The following LGR5 variants were observed in gnomAD, a reference collection of about 807,000 sequenced individuals.
LGR5 encodes leucine rich repeat containing G protein-coupled receptor 5, also known as leucine-rich repeat-containing G protein-coupled receptor 5.
Under a neutral mutation model 76.7 loss-of-function variants are expected in LGR5, and 54 were observed. The ratio of observed to expected loss-of-function variants is 0.70; its 90% CI spans 0.57 to 0.88. The LOEUF is 0.88. Ranked by LOEUF, LGR5 falls within the 40% of genes least tolerant of loss-of-function variation. The probability of loss-of-function intolerance (pLI) is 0.00; values close to 1 mark genes in which losing one functional copy is unlikely to be tolerated. For synonymous variants in LGR5, 406 were observed against 421.9 expected (o/e 0.96, Z 0.46); for missense variants, 1,078 against 1,073.3 (o/e 1.00, Z -0.06).
At chr12:71,500,251 G>A (rs1384795066) in intron 1 of LGR5, among the ~76,000 whole-genome samples, 1 of 152,120 alleles carries the variant, frequency 6.6e-6, no homozygotes, top group African/African-American at 2.4e-5. Flanking sequence ...ATAAGAAACA[G>A]TACCTTTAAT....
intron 3 of LGR5, among the ~76,000 whole-genome samples, chr12:71,532,339 A>G (rs755144003): frequency 1.3e-5 from 2 of 152,200 alleles, no homozygotes; most frequent in South Asian, 2.1e-4. Flanking sequence ...TCAAGTTTCA[A>G]TTCTCCTAAT....
chr12:71,557,990 G>T (rs995637888), intron 6 of LGR5, among the ~76,000 whole-genome samples: 3 of 147,832 alleles, frequency 2.0e-5, no homozygotes, highest in Admixed American at 1.4e-4. Context: ...CCAGATCTGG[G>T]TTACTAATTT....
At chr12:71,480,747 G>C (rs1439152952) in intron 1 of LGR5, among the ~76,000 whole-genome samples, 1 of 152,168 alleles carries the variant, frequency 6.6e-6, no homozygotes, top group Non-Finnish European at 1.5e-5. Context: ...TCAACCAACA[G>C]CTGATGAGAT....
intron 1 of LGR5, among the ~76,000 whole-genome samples, chr12:71,503,908 T>C (rs76558395): frequency 0.012 from 1,853 of 152,244 alleles, 16 homozygotes; most frequent in Middle Eastern, 0.037. Flanking sequence ...CAGAATAAAA[T>C]GTAATTACAC....
At chr12:71,540,602 T>C (rs1876828259) in intron 4 of LGR5, among the ~76,000 whole-genome samples, 1 of 152,166 alleles carries the variant, frequency 6.6e-6, no homozygotes, top group Admixed American at 6.5e-5. Context: ...ATGGTAATCT[T>C]TTCCTTACAG....
chr12:71,494,044 C>T (rs1004103034), intron 1 of LGR5, among the ~76,000 whole-genome samples: 10 of 148,984 alleles, frequency 6.7e-5, no homozygotes, highest in East Asian at 2.0e-4. Context: ...CCCGGGTTCA[C>T]GCCATTCTCC....
At chr12:71,513,677 T>C (rs1043209217) in intron 2 of LGR5, among the ~76,000 whole-genome samples, 2 of 152,240 alleles carry the variant, frequency 1.3e-5, no homozygotes, top group African/African-American at 4.8e-5. Flanking sequence ...ATTTATGGAC[T>C]GTTTGATAAA....
chr12:71,477,805 A>G (rs1477207880), intron 1 of LGR5, among the ~76,000 whole-genome samples: 1 of 152,204 alleles, frequency 6.6e-6, no homozygotes, highest in Non-Finnish European at 1.5e-5. Flanking sequence ...GGAGTTGGCC[A>G]TGTGTCAACT....
intron 1 of LGR5, among the ~76,000 whole-genome samples, chr12:71,496,705 G>A (rs971502267): frequency 6.6e-6 from 1 of 152,026 alleles, no homozygotes; most frequent in Non-Finnish European, 1.5e-5. Flanking sequence ...CAGTTGAGTG[G>A]GTACATAAAT....
chr12:71,506,489 A>C (rs1874865966), intron 2 of LGR5, among the ~76,000 whole-genome samples: 2 of 152,216 alleles, frequency 1.3e-5, no homozygotes, highest in African/African-American at 4.8e-5. Context: ...GTTGAAAAAA[A>C]ATCACAAAAA....
chr12:71,466,335 T>C (rs530478753), intron 1 of LGR5, among the ~76,000 whole-genome samples: 58 of 152,332 alleles, frequency 3.8e-4, no homozygotes, highest in African/African-American at 1.3e-3. Context: ...TTAGCAAAGA[T>C]TTTATTTTAT....
intron 3 of LGR5, among the ~76,000 whole-genome samples, chr12:71,527,562 G>A (rs1237738606): frequency 6.6e-6 from 1 of 152,142 alleles, no homozygotes; most frequent in Non-Finnish European, 1.5e-5. Flanking sequence ...TCATATGATT[G>A]TACTCCAAAC....
intron 4 of LGR5, among the ~76,000 whole-genome samples, chr12:71,552,498 G>A (rs55705201): frequency 0.012 from 1,808 of 151,660 alleles, 15 homozygotes; most frequent in Non-Finnish European, 0.021. Context: ...CCGGGAGGTG[G>A]AGGTTGCAGT....
intron 1 of LGR5, among the ~76,000 whole-genome samples, chr12:71,481,471 C>T (rs1320343163): frequency 2.6e-5 from 4 of 152,074 alleles, no homozygotes; most frequent in African/African-American, 9.7e-5. Context: ...GTATATATGC[C>T]ACATTTTCTT....
chr12:71,468,627 G>A (rs1257957436), intron 1 of LGR5, among the ~76,000 whole-genome samples: 1 of 150,068 alleles, frequency 6.7e-6, no homozygotes, highest in African/African-American at 2.5e-5. Context: ...AGCTTTCAAA[G>A]CCAGCCATAT....
intron 2 of LGR5, among the ~76,000 whole-genome samples, chr12:71,505,668 A>C (rs754622161): frequency 1.3e-5 from 2 of 152,202 alleles, no homozygotes; most frequent in African/African-American, 2.4e-5. Flanking sequence ...TTTTCTCAAG[A>C]GAATAAGAGG....
At chr12:71,460,508 G>C (rs536112752) in intron 1 of LGR5, among the ~76,000 whole-genome samples, 109 of 152,120 alleles carry the variant, frequency 7.2e-4, no homozygotes, top group African/African-American at 1.9e-3. Flanking sequence ...AACTCTTACT[G>C]ATCTGTTTTG....
chr12:71,481,056 T>C (rs994533528), intron 1 of LGR5, among the ~76,000 whole-genome samples: 13 of 152,188 alleles, frequency 8.5e-5, no homozygotes, highest in African/African-American at 2.9e-4. Flanking sequence ...TGAAATGGGA[T>C]GGGATGACAG....
chr12:71,490,574 A>C (rs780184516), intron 1 of LGR5, among the ~76,000 whole-genome samples: 9 of 152,148 alleles, frequency 5.9e-5, no homozygotes, highest in Admixed American at 1.3e-4. Context: ...CGGTATGTTG[A>C]ACTCGTAGGT....
Sources: allele counts gnomAD v4.1 joint callset (sites outside exome capture counted in the v4.1 genomes callset), GRCh38; gene constraint gnomAD v4.1.1; transcripts MANE v1.5; gene names NCBI Gene and HGNC (gene_info 2026-07-23, HGNC 2026-07-21).